NTM: variants seen among roughly 807,000 people sequenced by gnomAD.
NTM encodes IgLON family member 2.
Under a neutral mutation model 42.1 loss-of-function variants are expected in NTM, and 13 were observed. That is an observed-to-expected ratio of 0.31 (90% CI 0.20 to 0.49). NTM has a LOEUF of 0.49. NTM is among the 20% of genes least tolerant of loss of function. The pLI is 0.99. For missense variants in NTM, 373 were observed against 452.8 expected (o/e 0.82, Z 1.60); for synonymous variants, 187 against 179.2 (o/e 1.04, Z -0.35).
intron 2 of NTM, among the ~76,000 whole-genome samples, chr11:132,139,044 A>C (rs2068555383): frequency 6.6e-6 from 1 of 152,194 alleles, no homozygotes; most frequent in African/African-American, 2.4e-5. Flanking sequence ...GTGAATTCCC[A>C]CTGAACTTTC....
At chr11:131,511,555 C>T (rs926259761) in intron 1 of NTM, among the ~76,000 whole-genome samples, 2 of 152,208 alleles carry the variant, frequency 1.3e-5, no homozygotes, top group African/African-American at 2.4e-5. Context: ...GTAAGCTAGA[C>T]TTTGTGCTTG....
At chr11:132,211,955 A>G (rs2082918344) in intron 3 of NTM, 67 bp from the exon 4 acceptor site, 9 of 1,540,504 alleles carry the variant, frequency 5.8e-6, no homozygotes, top group Non-Finnish European at 6.1e-6. Context: ...TCTGCCAACT[A>G]CCATGTTAAG....
intron 3 of NTM, among the ~76,000 whole-genome samples, chr11:132,163,568 A>G (rs573111020): frequency 1.3e-5 from 2 of 152,324 alleles, no homozygotes; most frequent in African/African-American, 2.4e-5. Flanking sequence ...CAACTAACCC[A>G]AGGAAGGTTG....
intron 4 of NTM, among the ~76,000 whole-genome samples, chr11:132,275,093 G>A (rs1335589838): frequency 6.6e-6 from 1 of 151,790 alleles, no homozygotes; most frequent in African/African-American, 2.4e-5. Flanking sequence ...TAGTTTTATG[G>A]CAAGTCTAAA....
chr11:132,065,472 C>T (rs985527796), intron 2 of NTM, among the ~76,000 whole-genome samples: 2 of 152,152 alleles, frequency 1.3e-5, no homozygotes, highest in African/African-American at 4.8e-5. Context: ...TCTCTCTTCT[C>T]ACTTCATATC....
intron 2 of NTM, among the ~76,000 whole-genome samples, chr11:131,931,447 AAAT>A (rs1161161559): frequency 1.3e-5 from 2 of 150,330 alleles, no homozygotes; most frequent in South Asian, 2.1e-4. Flanking sequence ...TCAAAAAAAA[AAAT>A]AATAATAATA....
chr11:132,133,248 G>C (rs1056410666), intron 2 of NTM, among the ~76,000 whole-genome samples: 45 of 152,216 alleles, frequency 3.0e-4, no homozygotes, highest in Admixed American at 2.7e-3. Flanking sequence ...ACTAGGCTGG[G>C]TTCCTCCACA....
chr11:131,760,102 A>G (rs1387175433), intron 1 of NTM, among the ~76,000 whole-genome samples: 1 of 152,202 alleles, frequency 6.6e-6, no homozygotes, highest in East Asian at 1.9e-4. Context: ...TAAGTTGGGC[A>G]GAAAATTAAT....
chr11:131,552,573 T>G (rs1592027904), intron 1 of NTM, among the ~76,000 whole-genome samples: 4 of 148,544 alleles, frequency 2.7e-5, no homozygotes, highest in Admixed American at 6.8e-5. Flanking sequence ...CCCAGCACTT[T>G]GGGAGGCTGA....
intron 1 of NTM, among the ~76,000 whole-genome samples, chr11:131,557,987 G>T (rs964870129): frequency 6.6e-6 from 1 of 152,162 alleles, no homozygotes; most frequent in African/African-American, 2.4e-5. Flanking sequence ...CCAATGAAAT[G>T]TTGTCCCCTA....
intron 2 of NTM, among the ~76,000 whole-genome samples, chr11:131,946,540 A>G (rs571543994): frequency 6.6e-6 from 1 of 152,356 alleles, no homozygotes; most frequent in African/African-American, 2.4e-5. Context: ...GCTAGAGTTC[A>G]GTGTTTTAAG....
chr11:132,153,584 T>G (rs1205767979), intron 3 of NTM, among the ~76,000 whole-genome samples: 2 of 152,220 alleles, frequency 1.3e-5, no homozygotes, highest in Non-Finnish European at 2.9e-5. Context: ...GAGAAGATTC[T>G]TAGACACTCA....
chr11:131,814,590 A>G, intron 1 of NTM, among the ~76,000 whole-genome samples: 1 of 148,934 alleles, frequency 6.7e-6, no homozygotes, highest in East Asian at 2.0e-4. Context: ...TGTGGATCCT[A>G]AAAGGTCGCC....
chr11:131,685,485 A>T (rs2134918958), intron 1 of NTM, among the ~76,000 whole-genome samples: 1 of 152,242 alleles, frequency 6.6e-6, no homozygotes, highest in South Asian at 2.1e-4. Context: ...CTGCAAACAC[A>T]TTGGCCTCCA....
At chr11:131,500,621 C>T (rs2046685378) in intron 1 of NTM, among the ~76,000 whole-genome samples, 1 of 141,066 alleles carries the variant, frequency 7.1e-6, no homozygotes, top group African/African-American at 2.6e-5. Flanking sequence ...TTCTAGGGTA[C>T]ATGGGCACAA....
At chr11:131,698,370 A>G (rs924170102) in intron 1 of NTM, among the ~76,000 whole-genome samples, 4 of 152,082 alleles carry the variant, frequency 2.6e-5, no homozygotes, top group Non-Finnish European at 5.9e-5. Context: ...GTTCTCTTGC[A>G]ATCATAATCA....
chr11:131,954,256 C>G (rs1007035262), intron 2 of NTM, among the ~76,000 whole-genome samples: 7 of 152,186 alleles, frequency 4.6e-5, no homozygotes, highest in African/African-American at 1.7e-4. Flanking sequence ...GGGCAGGAGG[C>G]CTCGGTAGAT....
intron 1 of NTM, among the ~76,000 whole-genome samples, chr11:131,861,310 C>A (rs1351814164): frequency 6.6e-6 from 1 of 152,148 alleles, no homozygotes; most frequent in Admixed American, 6.5e-5. Flanking sequence ...TATAATTGCA[C>A]AATTTCAAGC....
At chr11:132,224,574 A>T (rs2085820750) in intron 4 of NTM, among the ~76,000 whole-genome samples, 1 of 152,178 alleles carries the variant, frequency 6.6e-6, no homozygotes, top group African/African-American at 2.4e-5. Context: ...TTTCAGCTTC[A>T]ACCTGTGTCT....
Sources: gnomAD v4.1 joint callset for allele counts (sites outside exome capture counted in the v4.1 genomes callset) on GRCh38, gnomAD v4.1.1 for gene constraint, MANE v1.5 for transcripts, NCBI Gene and HGNC (gene_info 2026-07-23, HGNC 2026-07-21) for gene names.